The following UNC13C variants were observed in gnomAD, a reference collection of about 807,000 sequenced individuals.
The protein encoded by UNC13C is unc-13 homolog C.
Under a neutral mutation model 245.4 loss-of-function variants are expected in UNC13C, and 174 were observed. The observed-to-expected ratio is 0.71, with a 90% CI of 0.63 to 0.80. UNC13C has a LOEUF of 0.80. UNC13C is among the 30% of genes least tolerant of loss of function. The pLI is 0.00. For missense variants in UNC13C, 2,829 were observed against 2,602.9 expected (o/e 1.09, Z -1.89); for synonymous variants, 992 against 895.1 (o/e 1.11, Z -1.93).
At chr15:54,516,799 C>CAA (rs59628073) in intron 24 of UNC13C, among the ~76,000 whole-genome samples, 5 of 123,642 alleles carry the variant, frequency 4.0e-5, no homozygotes, top group Admixed American at 8.7e-5. Context: ...GATGCTGTCT[C>CAA]AAAAAAAAAA....
chr15:53,931,598 T>C, the UNC13C span, among the ~76,000 whole-genome samples: 1 of 152,018 alleles, frequency 6.6e-6, no homozygotes, highest in South Asian at 2.1e-4. Flanking sequence ...TGATGCAGGG[T>C]AAGGGCTGAT....
At chr15:54,352,247 T>C (rs2038998882) in intron 17 of UNC13C, among the ~76,000 whole-genome samples, 1 of 148,964 alleles carries the variant, frequency 6.7e-6, no homozygotes, top group African/African-American at 2.4e-5. Context: ...TGTTTATATA[T>C]TGTGATTATA....
chr15:54,032,984 T>A (rs1483338224), intron 2 of UNC13C, among the ~76,000 whole-genome samples: 2 of 152,018 alleles, frequency 1.3e-5, no homozygotes, highest in Non-Finnish European at 1.5e-5. Context: ...GGACTCAGGG[T>A]GAAAGGGTGG....
At chr15:54,132,298 C>G (rs1270152572) in intron 2 of UNC13C, among the ~76,000 whole-genome samples, 1 of 152,076 alleles carries the variant, frequency 6.6e-6, no homozygotes, top group Non-Finnish European at 1.5e-5. Flanking sequence ...TCTCGATCTC[C>G]TGACCTCGTG....
chr15:54,633,294 T>C (rs1458533812), downstream of UNC13C: 1 of 152,224 alleles, frequency 6.6e-6, no homozygotes, highest in African/African-American at 2.4e-5. Flanking sequence ...TGTCTCCACT[T>C]ATTTACATCT....
chr15:53,842,621 A>C, the UNC13C span, among the ~76,000 whole-genome samples: 1 of 152,156 alleles, frequency 6.6e-6, no homozygotes, highest in African/African-American at 2.4e-5. Context: ...AGGTGGTAGG[A>C]TATAACTCTA....
At chr15:54,438,640 C>T (rs1411606041) in intron 19 of UNC13C, among the ~76,000 whole-genome samples, 1 of 151,908 alleles carries the variant, frequency 6.6e-6, no homozygotes, top group Admixed American at 6.6e-5. Flanking sequence ...GGTAAAATTT[C>T]TCAATCTCTT....
At chr15:54,288,986 A>G (rs1420940837) in intron 10 of UNC13C, among the ~76,000 whole-genome samples, 1 of 152,100 alleles carries the variant, frequency 6.6e-6, no homozygotes, top group Non-Finnish European at 1.5e-5. Context: ...TTTTGACTCG[A>G]AGACCTCTTA....
Position 54,319,736 on chromosome 15 carries a change from T to G in UNC13C, c.4269-2203T>G, listed in dbSNP as rs570639458. The stretch of plus-strand genomic sequence containing the variant: ...ACAAAATTCAGAAATGTCTAGATGC[T>G]TTGGTGGCATAGTAAGATATGAGAG... On this transcript the variant is annotated intron_variant, in intron 13 of 32. Coordinates refer to ENST00000260323, the MANE Select transcript of UNC13C (RefSeq NM_001080534.3). Among the ~76,000 whole-genome samples, 9 of 118,346 alleles carry G rather than the reference T, an allele frequency of 7.6e-5. No homozygotes were observed. The East Asian group carries it at 1.8e-3, about 23-fold the overall frequency. 77.6% of individuals were successfully genotyped at this position (118,346 alleles called of 152,430 possible).
chr15:54,530,259 C>T (rs1206255357), intron 25 of UNC13C, among the ~76,000 whole-genome samples: 5 of 152,090 alleles, frequency 3.3e-5, no homozygotes, highest in Admixed American at 6.6e-5. Flanking sequence ...AGATAATTGA[C>T]GTATCTATCA....
intron 30 of UNC13C, among the ~76,000 whole-genome samples, chr15:54,601,088 T>G (rs1899391672): frequency 6.6e-6 from 1 of 152,208 alleles, no homozygotes; most frequent in South Asian, 2.1e-4. Context: ...GCCTGTGGCT[T>G]GAGGGTTGGA....
At chr15:53,846,157 G>A in the UNC13C span, among the ~76,000 whole-genome samples, 1 of 152,044 alleles carries the variant, frequency 6.6e-6, no homozygotes, top group African/African-American at 2.4e-5. Context: ...CAGTAGGTTC[G>A]GTGCATTAAA....
At chr15:54,117,028 TG>T (rs1459942724) in intron 2 of UNC13C, among the ~76,000 whole-genome samples, 2 of 152,172 alleles carry the variant, frequency 1.3e-5, no homozygotes, top group Admixed American at 6.6e-5. Context: ...TGATTGGAGA[TG>T]TTGAGTTTTT....
At chr15:54,327,146 G>A (rs2038318850) in intron 14 of UNC13C, among the ~76,000 whole-genome samples, 1 of 151,938 alleles carries the variant, frequency 6.6e-6, no homozygotes, top group African/African-American at 2.4e-5. Flanking sequence ...AATTTTGAAG[G>A]TGTCTTTAGG....
rs140071822 is a variant in UNC13C at position 54,212,289 on chromosome 15, G to A, written c.3072-22741G>A. On this transcript the variant is annotated intron_variant, in intron 4 of 32. Transcript: ENST00000260323. ...ATGGACAAACACCAAGCAGGCATGC[G>A]CCCAAAGGAAAAATTCAGGTAGATG... Among the ~76,000 whole-genome samples, 197 of 152,082 alleles carry A rather than the reference G, an allele frequency of 1.3e-3. No individual in the cohort carries two copies. The East Asian group carries it at 0.032, about 25-fold the overall frequency.
chr15:54,467,705 C>G (rs1252460889), intron 19 of UNC13C, among the ~76,000 whole-genome samples: 2 of 151,590 alleles, frequency 1.3e-5, no homozygotes, highest in Admixed American at 6.6e-5. Flanking sequence ...TTTTTCAGAT[C>G]CCACGTCTAG....
chr15:54,381,734 G>T (rs922493316), intron 17 of UNC13C, among the ~76,000 whole-genome samples: 1 of 151,722 alleles, frequency 6.6e-6, no homozygotes, highest in Middle Eastern at 3.2e-3. Context: ...GATTCATAAA[G>T]AAAATATTAC....
intron 2 of UNC13C, among the ~76,000 whole-genome samples, chr15:54,023,312 A>G (rs908510166): frequency 1.1e-4 from 16 of 152,354 alleles, no homozygotes; most frequent in Admixed American, 6.5e-4. Context: ...CCTGTTGCCA[A>G]TGCAGGCCAG....
At chr15:54,372,761 T>C (rs2140885569) in intron 17 of UNC13C, among the ~76,000 whole-genome samples, 1 of 152,340 alleles carries the variant, frequency 6.6e-6, no homozygotes, top group South Asian at 2.1e-4. Flanking sequence ...TGCAGAAATT[T>C]CACCTAAGAA....
Sources: allele counts gnomAD v4.1 joint callset (sites outside exome capture counted in the v4.1 genomes callset), GRCh38; gene constraint gnomAD v4.1.1; transcripts MANE v1.5; gene names NCBI Gene and HGNC (gene_info 2026-07-23, HGNC 2026-07-21).